Variants in STK39 observed in about 807,000 individuals in gnomAD.
STK39 encodes serine/threonine kinase 39.
Under a neutral mutation model 77.8 loss-of-function variants are expected in STK39, and 20 were observed. That is an observed-to-expected ratio of 0.26 (90% CI 0.18 to 0.37). The LOEUF (loss-of-function observed/expected upper bound fraction) is 0.37. STK39 is among the 10% of genes least tolerant of loss of function. STK39 has a pLI of 1.00. For missense variants in STK39, 479 were observed against 656.5 expected (o/e 0.73, Z 2.95); for synonymous variants, 246 against 234.1 (o/e 1.05, Z -0.47).
chr2:168,098,173 C>T (rs1686724223), intron 10 of STK39, among the ~76,000 whole-genome samples: 1 of 152,150 alleles, frequency 6.6e-6, no homozygotes, highest in African/African-American at 2.4e-5. Context: ...ATTTTCGGCA[C>T]CCAAGAAATA....
chr2:168,146,390 T>C (rs142384653), intron 5 of STK39, among the ~76,000 whole-genome samples: 2,004 of 152,330 alleles, frequency 0.013, 30 homozygotes, highest in South Asian at 0.033. Context: ...ATGAACAACA[T>C]TGACTCTCTT....
intron 8 of STK39, among the ~76,000 whole-genome samples, chr2:168,134,512 CA>C (rs34222654): frequency 0.092 from 11,857 of 128,256 alleles, 962 homozygotes; most frequent in African/African-American, 0.24. Flanking sequence ...CCCCTTGTTG[CA>C]AAAAAAAAAA....
intron 10 of STK39, among the ~76,000 whole-genome samples, chr2:168,077,989 T>C (rs1686124551): frequency 6.6e-6 from 1 of 152,126 alleles, no homozygotes. Flanking sequence ...GTAATTCTAA[T>C]TTCATTGATT....
intron 10 of STK39, chr2:168,112,995 A>G (rs1311980590): frequency 6.6e-6 from 1 of 152,084 alleles, no homozygotes; most frequent in Non-Finnish European, 1.5e-5. Context: ...AGTTCTAGAG[A>G]TCCTTTATGA....
At chr2:167,958,654 T>C (rs1288746380) in intron 17 of STK39, among the ~76,000 whole-genome samples, 1 of 152,196 alleles carries the variant, frequency 6.6e-6, no homozygotes, top group African/African-American at 2.4e-5. Flanking sequence ...CATACAAATA[T>C]ATATGAAAGA....
chr2:168,023,524 C>T (rs1054529309), intron 14 of STK39, among the ~76,000 whole-genome samples: 5 of 152,064 alleles, frequency 3.3e-5, no homozygotes, highest in Middle Eastern at 3.4e-3. Flanking sequence ...CTTAATGTAC[C>T]GTGTCAGGAC....
At chr2:168,139,674 C>A (rs1214382137) in intron 7 of STK39, among the ~76,000 whole-genome samples, 1 of 152,034 alleles carries the variant, frequency 6.6e-6, no homozygotes, top group East Asian at 1.9e-4. Context: ...TATAATTTCA[C>A]TAAACTATTT....
intron 17 of STK39, 97 bp from the exon 18 acceptor site, chr2:167,955,667 T>G: frequency 8.5e-7 from 1 of 1,171,862 alleles, no homozygotes; most frequent in Non-Finnish European, 1.2e-6. Context: ...AAAGGCACAG[T>G]TGGTATGGGA....
At chr2:168,116,035 G>A (rs772160925) in intron 10 of STK39, among the ~76,000 whole-genome samples, 7 of 152,174 alleles carry the variant, frequency 4.6e-5, no homozygotes, top group East Asian at 1.9e-4. Flanking sequence ...TGAGTGGGTC[G>A]TAGAGCCAGG....
In STK39 at chr2:168,005,159, C is replaced by T. The variant is rs140054925; in HGVS notation, c.1498+7475G>A. ...TAGCTGGGATTACAGGTGTGCCCTA[C>T]CAGATGCAGCTAATTTTTGTATTTT... On this transcript the variant is annotated intron_variant, in intron 16 of 17. Coordinates refer to ENST00000355999, the MANE Select transcript of STK39 (RefSeq NM_013233.3). 7.2e-5 allele frequency among the ~76,000 whole-genome samples: 11 copies of T among 152,076 alleles called. No individual in the cohort carries two copies. The South Asian group carries it at 2.1e-3, about 29-fold the overall frequency.
intron 10 of STK39, among the ~76,000 whole-genome samples, chr2:168,113,806 C>A (rs1318418194): frequency 6.6e-6 from 1 of 152,184 alleles, no homozygotes; most frequent in African/African-American, 2.4e-5. Context: ...TTCAGAACCA[C>A]TGAACTAGGC....
At chr2:168,230,144 C>T (rs1690416709) in intron 1 of STK39, among the ~76,000 whole-genome samples, 1 of 152,152 alleles carries the variant, frequency 6.6e-6, no homozygotes, top group Non-Finnish European at 1.5e-5. Flanking sequence ...TGCAAAATGG[C>T]AATAAGAATT....
chr2:168,032,379 G>A (rs1203688928), intron 14 of STK39, among the ~76,000 whole-genome samples: 3 of 152,164 alleles, frequency 2.0e-5, no homozygotes, highest in Non-Finnish European at 4.4e-5. Context: ...CAACACCCAG[G>A]GGTGTAACTG....
At chr2:168,100,569 A>T (rs1686796737) in intron 10 of STK39, among the ~76,000 whole-genome samples, 1 of 152,074 alleles carries the variant, frequency 6.6e-6, no homozygotes, top group Non-Finnish European at 1.5e-5. Flanking sequence ...CAGCCTTTTC[A>T]TTTGTCTAAT....
intron 14 of STK39, among the ~76,000 whole-genome samples, chr2:168,047,289 A>T (rs1343300935): frequency 6.6e-6 from 1 of 152,246 alleles, no homozygotes; most frequent in Non-Finnish European, 1.5e-5. Context: ...TGTGATTTAC[A>T]ATGTTAGAGT....
At chr2:168,067,457 C>T (rs1287229178) in intron 12 of STK39, among the ~76,000 whole-genome samples, 1 of 152,230 alleles carries the variant, frequency 6.6e-6, no homozygotes, top group Non-Finnish European at 1.5e-5. Context: ...CTTCACCTTC[C>T]ACCATGAGCA....
At chr2:167,974,396 C>T (rs888711577) in intron 16 of STK39, among the ~76,000 whole-genome samples, 3 of 152,168 alleles carry the variant, frequency 2.0e-5, no homozygotes, top group Admixed American at 2.0e-4. Flanking sequence ...CTTTGAGATG[C>T]TACAGAGGGC....
At chr2:168,100,170 A>C (rs187323384) in intron 10 of STK39, among the ~76,000 whole-genome samples, 29 of 152,294 alleles carry the variant, frequency 1.9e-4, no homozygotes, top group African/African-American at 6.3e-4. Context: ...TTTATATTGC[A>C]CTCACAATTG....
intron 10 of STK39, among the ~76,000 whole-genome samples, chr2:168,099,377 C>A (rs1355235645): frequency 6.6e-6 from 1 of 152,150 alleles, no homozygotes; most frequent in African/African-American, 2.4e-5. Context: ...GAGTTAACTT[C>A]TTTGTTAGCT....
Sources: allele counts gnomAD v4.1 joint callset (sites outside exome capture counted in the v4.1 genomes callset), GRCh38; gene constraint gnomAD v4.1.1; transcripts MANE v1.5; gene names NCBI Gene and HGNC (gene_info 2026-07-23, HGNC 2026-07-21).